Variants in ACYP2 observed in about 807,000 individuals in gnomAD.
The protein encoded by ACYP2 is acylphosphatase 2, also known as acylphosphatase-2.
In ACYP2, 12 loss-of-function variants were observed where a neutral mutation model predicts 11.2. That is an observed-to-expected ratio of 1.08 (90% CI 0.69 to 1.74). The LOEUF is 1.74. Ranked by LOEUF, ACYP2 falls within the 40% of genes most tolerant of loss-of-function variation. ACYP2 has a pLI of 0.00. For missense variants in ACYP2, 134 were observed against 101.9 expected (o/e 1.31, Z -1.35); for synonymous variants, 43 against 32.2 (o/e 1.33, Z -1.13).
At chr2:54,036,732 T>C (rs1674922151) in intron 2 of ACYP2, among the ~76,000 whole-genome samples, 1 of 152,326 alleles carries the variant, frequency 6.6e-6, no homozygotes, top group African/African-American at 2.4e-5. Flanking sequence ...AAAATTCTGG[T>C]CCATGTGAGA....
At chr2:54,254,709 A>C (rs954276638) in intron 6 of ACYP2, 20 of 560,060 alleles carry the variant, frequency 3.6e-5, no homozygotes, top group Non-Finnish European at 6.0e-5. Context: ...ATGTGATGTT[A>C]ATGCAGAATA....
chr2:54,178,218 C>G (rs1477021617), intron 6 of ACYP2, among the ~76,000 whole-genome samples: 1 of 152,052 alleles, frequency 6.6e-6, no homozygotes, highest in Non-Finnish European at 1.5e-5. Context: ...TTCTTTAATT[C>G]CCTATTGTTA....
intron 2 of ACYP2, among the ~76,000 whole-genome samples, chr2:54,031,046 C>T (rs1031065255): frequency 2.6e-5 from 4 of 152,204 alleles, no homozygotes; most frequent in African/African-American, 7.2e-5. Context: ...CACAATGTGA[C>T]ATGTGCTATA....
intron 6 of ACYP2, among the ~76,000 whole-genome samples, chr2:54,278,580 T>C (rs1031698410): frequency 2.0e-5 from 3 of 152,204 alleles, no homozygotes; most frequent in Admixed American, 6.5e-5. Context: ...TAGGATTGAT[T>C]AGCAATGTCT....
intron 6 of ACYP2, among the ~76,000 whole-genome samples, chr2:54,213,658 C>A (rs758901855): frequency 6.6e-6 from 1 of 152,156 alleles, no homozygotes; most frequent in Non-Finnish European, 1.5e-5. Context: ...TTTTGATATG[C>A]ATTTCTCTAA....
chr2:54,293,228 A>G (rs1344350134), intron 6 of ACYP2, among the ~76,000 whole-genome samples: 1 of 152,132 alleles, frequency 6.6e-6, no homozygotes, highest in African/African-American at 2.4e-5. Context: ...ACTTCCATCC[A>G]TTACCACTGT....
At chr2:54,218,095 C>T (rs982404686) in intron 6 of ACYP2, among the ~76,000 whole-genome samples, 1 of 152,176 alleles carries the variant, frequency 6.6e-6, no homozygotes, top group African/African-American at 2.4e-5. Flanking sequence ...ACCCAGTTTT[C>T]AAGTTCCTTC....
chr2:54,229,466 TTC>T (rs924971063), intron 6 of ACYP2, among the ~76,000 whole-genome samples: 1 of 152,228 alleles, frequency 6.6e-6, no homozygotes, highest in Admixed American at 6.5e-5. Context: ...CACTTTCTTA[TTC>T]TGTCTTATAC....
intron 4 of ACYP2, among the ~76,000 whole-genome samples, chr2:54,104,792 A>C (rs915706032): frequency 1.3e-5 from 2 of 152,220 alleles, no homozygotes; most frequent in African/African-American, 4.8e-5. Context: ...TATTAATTAC[A>C]TTAAAATTTC....
intron 4 of ACYP2, among the ~76,000 whole-genome samples, chr2:54,119,590 A>G (rs1680026589): frequency 6.6e-6 from 1 of 152,230 alleles, no homozygotes; most frequent in Non-Finnish European, 1.5e-5. Context: ...GAAAGTGAAC[A>G]TGGAAAAAAT....
rs13401799 is a variant in ACYP2 at position 54,255,942 on chromosome 2, A to C, written c.405-48746A>C. The C allele has an allele frequency of 1.9e-6, 3 of 1,613,972 alleles. No homozygotes were observed. In the African/African-American group the frequency reaches 4.0e-5, roughly 22 times the overall value. ...GACCCGCATCGACCAAGATGTGGAA[A>C]GTATGGCCACCATCTGCGGGATCCT... On this transcript the variant is annotated intron_variant, in intron 6 of 6. Coordinates refer to ENST00000607452, the MANE Select transcript of ACYP2 (RefSeq NM_001320586.2).
At chr2:54,177,908 T>TC (rs1413534008) in intron 6 of ACYP2, among the ~76,000 whole-genome samples, 2 of 141,006 alleles carry the variant, frequency 1.4e-5, no homozygotes, top group African/African-American at 2.8e-5. Context: ...TTTCTTTATT[T>TC]TTTTTTTTTT....
At chr2:54,158,534 C>A (rs557963882) in intron 6 of ACYP2, among the ~76,000 whole-genome samples, 20 of 152,126 alleles carry the variant, frequency 1.3e-4, no homozygotes, top group Non-Finnish European at 2.2e-4. Context: ...CACCATGCAC[C>A]AGCAATTCTA....
intron 6 of ACYP2, among the ~76,000 whole-genome samples, chr2:54,204,152 G>A (rs148617954): frequency 0.013 from 1,911 of 152,138 alleles, 37 homozygotes; most frequent in African/African-American, 0.044. Context: ...GTGCCACCAT[G>A]CCCAGCTAAA....
intron 6 of ACYP2, among the ~76,000 whole-genome samples, chr2:54,252,666 C>A (rs1687280502): frequency 1.3e-5 from 2 of 152,076 alleles, no homozygotes. Flanking sequence ...AATAAATATG[C>A]CAATGGTCGG....
At chr2:54,032,486 T>A (rs1487880397) in intron 2 of ACYP2, among the ~76,000 whole-genome samples, 1 of 152,340 alleles carries the variant, frequency 6.6e-6, no homozygotes, top group South Asian at 2.1e-4. Context: ...TTGGTCTATA[T>A]CTCTGTTTTG....
At chr2:54,114,934 CATAA>C (rs1380770556) in intron 4 of ACYP2, among the ~76,000 whole-genome samples, 1 of 151,838 alleles carries the variant, frequency 6.6e-6, no homozygotes, top group African/African-American at 2.4e-5. Context: ...CTAAACATTT[CATAA>C]ATAATTTACT....
intron 4 of ACYP2, among the ~76,000 whole-genome samples, chr2:54,095,670 C>T (rs1678507343): frequency 1.5e-5 from 2 of 130,982 alleles, no homozygotes; most frequent in South Asian, 2.6e-4. Context: ...GCTGACCCCC[C>T]CACCTCCCTC....
intron 4 of ACYP2, among the ~76,000 whole-genome samples, chr2:54,111,363 G>T (rs776186552): frequency 2.6e-5 from 4 of 152,160 alleles, no homozygotes; most frequent in Non-Finnish European, 4.4e-5. Flanking sequence ...TAAGGCAAGG[G>T]CGGGGGGGAC....
Sources: gnomAD v4.1 joint callset for allele counts (sites outside exome capture counted in the v4.1 genomes callset) on GRCh38, gnomAD v4.1.1 for gene constraint, MANE v1.5 for transcripts, NCBI Gene and HGNC (gene_info 2026-07-23, HGNC 2026-07-21) for gene names.